TJP2: variants seen among roughly 807,000 people sequenced by gnomAD.
TJP2 encodes the protein tight junction protein 2, also known as Friedreich ataxia region gene X104 (tight junction protein ZO-2).
A neutral mutation model predicts 133.1 loss-of-function variants in TJP2; 91 were observed. That is an observed-to-expected ratio of 0.68 (90% CI 0.58 to 0.81). The LOEUF (loss-of-function observed/expected upper bound fraction) is 0.81, where lower values mean the gene tolerates loss of function less well. Ranked by LOEUF, TJP2 falls within the 40% of genes least tolerant of loss-of-function variation. The pLI, the probability that TJP2 is intolerant of heterozygous loss-of-function variation, is 0.00. For missense variants in TJP2, 1,541 were observed against 1,565.6 expected, an observed-to-expected ratio of 0.98 and a Z score of 0.26; for synonymous variants, 592 against 583.4, an observed-to-expected ratio of 1.01 and a Z score of -0.21.
At chr9:69,253,057 A>G (rs897249814) in intron 22 of TJP2, 157 bp downstream of exon 22, 1 of 690,610 alleles carries the variant, frequency 1.4e-6, no homozygotes. Context: ...ATTTAATTGT[A>G]AAGATTACAG....
chr9:69,228,068 T>C lies in TJP2; in HGVS notation c.1407T>C (p.Val469=). 3 of 1,613,772 alleles carry C rather than the reference T, an allele frequency of 1.9e-6. No homozygotes were observed. Among genetic ancestry groups the C allele is most frequent in the Non-Finnish European group, 2.5e-6 (3 of 1,179,876 alleles). The change falls in exon 9 of 23, where the codon GTT becomes GTC. Residue 469 remains valine (V), a synonymous_variant. Transcript: ENST00000377245. ...CCACAGGGGATATTGCAGGCACAGT[T>C]GTCCCAGAGACCAACAAGGAACCCA... ...FKSTGDIAGT[V]VPETNKEPRY... is the part of the protein sequence containing the mutation.
At chr9:69,140,677 C>T (rs1011081654) in intron 1 of TJP2, among the ~76,000 whole-genome samples, 15 of 152,174 alleles carry the variant, frequency 9.9e-5, no homozygotes, top group Admixed American at 9.8e-4. Flanking sequence ...TAAACCAGCT[C>T]CTGCCAAGAT....
chr9:69,249,493 G>A lies in TJP2; in HGVS notation c.2991+8G>A, dbSNP rs371110925. ...AAGCCAGAGCCGCCCAAGGTACGTG[G>A]CTGGGAAGCCCAGGATGGGAAGGAA... On this transcript the variant is annotated splice_region_variant and intron_variant, in intron 20 of 22. Transcript: ENST00000377245. 1.9e-5 allele frequency: 30 copies of A among 1,596,864 alleles called. No individual in the cohort carries two copies. The highest frequency in any genetic ancestry group is 8.5e-7 in the Non-Finnish European group (1 of 1,170,438).
At chr9:69,216,222 T>A in intron 2 of TJP2, 117 bp from the exon 3 acceptor site, 2 of 1,235,704 alleles carry the variant, frequency 1.6e-6, no homozygotes, top group East Asian at 2.5e-5. Flanking sequence ...TGTAAGCCCA[T>A]CTGTTCCTGA....
chr9:69,246,708 C>T lies in TJP2; in HGVS notation c.2585C>T (p.Ser862Leu). ...HLFTATINLNSANDSWFGSLK... is the reference protein window; with the variant it reads ...HLFTATINLNLANDSWFGSLK... ...TCTATAGCTACAATCAACCTAAATT[C>T]AGCCAATGATAGCTGGTTTGGCAGC... Residue 862 changes from serine to leucine, a missense_variant, in exon 18 of 23, where the codon TCA becomes TTA. By Grantham distance (145) the Ser-to-Leu change is moderately radical (BLOSUM62 -2). Transcript: ENST00000377245. The T allele has an allele frequency of 1.2e-6, 2 of 1,614,030 alleles. No individual in the cohort carries two copies. Among genetic ancestry groups the T allele is most frequent in the South Asian group, 1.1e-5 (1 of 91,068 alleles).
At chr9:69,205,096 A>G (rs1277302669) in intron 1 of TJP2, 3 of 1,532,242 alleles carry the variant, frequency 2.0e-6, no homozygotes, top group Non-Finnish European at 2.6e-6. Context: ...AACCACATGG[A>G]GTGATGGAAA....
chr9:69,136,596 A>C (rs999199539), intron 1 of TJP2, among the ~76,000 whole-genome samples: 8 of 152,210 alleles, frequency 5.3e-5, no homozygotes, highest in African/African-American at 1.9e-4. Flanking sequence ...AATTTAGAAC[A>C]AAGTGTCTTA....
chr9:69,144,563 G>A (rs1477607565), intron 1 of TJP2, among the ~76,000 whole-genome samples: 1 of 152,178 alleles, frequency 6.6e-6, no homozygotes, highest in African/African-American at 2.4e-5. Flanking sequence ...AACTCTCAGA[G>A]TGACAAACTC....
At chr9:69,169,369 T>TGGG (rs369706065), upstream of TJP2, among the ~76,000 whole-genome samples, 2 of 120,086 alleles carry the variant, frequency 1.7e-5, no homozygotes, top group African/African-American at 3.2e-5. Flanking sequence ...TTTTTTTTTT[T>TGGG]GGGGGGGGGA....
intron 2 of TJP2, chr9:69,151,873 A>G: frequency 1.8e-6 from 2 of 1,135,646 alleles, no homozygotes; most frequent in South Asian, 4.6e-5. Context: ...CAGAGTTACC[A>G]TTTTTGATGT....
At chr9:69,195,112 GT>G (rs58643752) in intron 1 of TJP2, among the ~76,000 whole-genome samples, 28,287 of 147,476 alleles carry the variant, frequency 0.19, 2,722 homozygotes, top group Middle Eastern at 0.24. Context: ...TCTAATAATT[GT>G]TTTTTCAACC....
At chr9:69,132,689 T>C (rs1822549862) in intron 1 of TJP2, among the ~76,000 whole-genome samples, 1 of 152,196 alleles carries the variant, frequency 6.6e-6, no homozygotes, top group Non-Finnish European at 1.5e-5. Flanking sequence ...GATACCACGG[T>C]GAGCAGGGTA....
chr9:69,129,203 A>G (rs962873134), intron 1 of TJP2, among the ~76,000 whole-genome samples: 11 of 152,168 alleles, frequency 7.2e-5, no homozygotes, highest in African/African-American at 2.7e-4. Flanking sequence ...GACATTTTAA[A>G]CTCTTTCACC....
intron 1 of TJP2, among the ~76,000 whole-genome samples, chr9:69,178,887 T>C (rs1825286086): frequency 6.6e-6 from 1 of 152,232 alleles, no homozygotes; most frequent in Non-Finnish European, 1.5e-5. Flanking sequence ...TGCCGAAGAA[T>C]GTGGACAGCC....
At chr9:69,128,910 A>C (rs7019370) in intron 1 of TJP2, among the ~76,000 whole-genome samples, 1 of 152,082 alleles carries the variant, frequency 6.6e-6, no homozygotes, top group Non-Finnish European at 1.5e-5. Context: ...GTTTTGAATA[A>C]ATTCTCCAGT....
At chr9:69,220,389 T>G (rs570847484) in intron 4 of TJP2, among the ~76,000 whole-genome samples, 1 of 152,302 alleles carries the variant, frequency 6.6e-6, no homozygotes, top group South Asian at 2.1e-4. Flanking sequence ...GGTAGAAACG[T>G]TCAGATTATT....
intron 13 of TJP2, 118 bp from the exon 14 acceptor site, chr9:69,236,831 A>G: frequency 8.1e-7 from 1 of 1,231,688 alleles, no homozygotes; most frequent in Middle Eastern, 2.0e-4. Flanking sequence ...AAACTTCTTC[A>G]TTGTCAAGCG....
At chr9:69,164,027 A>C (rs1003948373) in intron 2 of TJP2, among the ~76,000 whole-genome samples, 5 of 151,796 alleles carry the variant, frequency 3.3e-5, no homozygotes, top group Admixed American at 1.3e-4. Flanking sequence ...GGTGATTCCT[A>C]TCATCAGAGA....
intron 1 of TJP2, among the ~76,000 whole-genome samples, chr9:69,181,740 T>C (rs1825526098): frequency 6.6e-6 from 1 of 152,210 alleles, no homozygotes; most frequent in Admixed American, 6.5e-5. Context: ...CTTGCTTGCT[T>C]TCTTTTTTTT....
Sources: gnomAD v4.1 joint callset for allele counts (sites outside exome capture counted in the v4.1 genomes callset) on GRCh38, gnomAD v4.1.1 for gene constraint, MANE v1.5 for transcripts, NCBI Gene and HGNC (gene_info 2026-07-23, HGNC 2026-07-21) for gene names.